ADAM9: variants seen among roughly 807,000 people sequenced by gnomAD.
ADAM9 encodes disintegrin and metalloproteinase domain-containing protein 9.
In ADAM9, 54 loss-of-function variants were observed where a neutral mutation model predicts 108.1. That is an observed-to-expected ratio of 0.50 (90% confidence interval 0.40 to 0.63). The LOEUF is 0.63. Ranked by LOEUF, ADAM9 falls within the 20% of genes least tolerant of loss-of-function variation. The pLI is 0.00. For synonymous variants in ADAM9, 316 were observed against 336.0 expected, an observed-to-expected ratio of 0.94 and a Z score of 0.65; for missense variants, 830 against 997.7, an observed-to-expected ratio of 0.83 and a Z score of 2.26.
chr8:39,073,974 C>G (rs1286243542), intron 15 of ADAM9, among the ~76,000 whole-genome samples: 1 of 152,112 alleles, frequency 6.6e-6, no homozygotes. Context: ...CCTCATTTTT[C>G]TGTTCTGTAA....
At chr8:39,036,830 A>G (rs1172230298) in intron 11 of ADAM9, among the ~76,000 whole-genome samples, 2 of 151,094 alleles carry the variant, frequency 1.3e-5, no homozygotes, top group Non-Finnish European at 2.9e-5. Flanking sequence ...TGATTTTGTT[A>G]TGCTTTTTAG....
At chr8:39,072,798 CTTCTTTTT>C (rs1838738061) in intron 15 of ADAM9, among the ~76,000 whole-genome samples, 1 of 152,228 alleles carries the variant, frequency 6.6e-6, no homozygotes, top group African/African-American at 2.4e-5. Flanking sequence ...ATGCTGTTTG[CTTCTTTTT>C]CATAGAATTT....
chr8:39,018,230 A>G (rs894100565), intron 6 of ADAM9, among the ~76,000 whole-genome samples: 5 of 152,200 alleles, frequency 3.3e-5, no homozygotes, highest in African/African-American at 1.2e-4. Flanking sequence ...ATACTAGTTT[A>G]TGGCATTATT....
intron 12 of ADAM9, among the ~76,000 whole-genome samples, chr8:39,043,684 T>G (rs1210568216): frequency 6.6e-6 from 1 of 152,176 alleles, no homozygotes; most frequent in Admixed American, 6.5e-5. Context: ...ATGTATATAT[T>G]GCATATTGGT....
At chr8:39,033,170 T>G (rs1376185993) in intron 11 of ADAM9, among the ~76,000 whole-genome samples, 2 of 152,248 alleles carry the variant, frequency 1.3e-5, no homozygotes, top group South Asian at 2.1e-4. Flanking sequence ...CTCTCATTTT[T>G]GGGGGTCCTA....
Position 39,096,601 on chromosome 8 carries a change from C to T in ADAM9, c.2298+5255C>T, listed in dbSNP as rs138656581. On this transcript the variant is annotated intron_variant, in intron 20 of 21. Transcript: ENST00000487273. ...TCACATTACAGTACTACAGGATTCTCTGTCTATACACTTACCATTATTATC... is the reference window on the plus strand; with the variant it reads ...TCACATTACAGTACTACAGGATTCTTTGTCTATACACTTACCATTATTATC... Among the ~76,000 whole-genome samples the T allele has an allele frequency of 5.7e-4, 87 of 152,290 alleles. 1 individual carries two copies. The highest frequency in any genetic ancestry group is 2.0e-3 in the African/African-American group (85 of 41,560).
chr8:39,039,348 G>A (rs1837383998), intron 11 of ADAM9, among the ~76,000 whole-genome samples: 2 of 152,144 alleles, frequency 1.3e-5, no homozygotes, highest in Non-Finnish European at 2.9e-5. Context: ...TGGTGAAATG[G>A]TTAGTCAAGC....
In ADAM9 at chr8:39,045,411, C is replaced by CGTGTGTACACACACCTATATGT. The variant is rs1564301581; in HGVS notation, c.1302+3295_1302+3296insTGTGTACACACACCTATATGTG. 3.9e-3 allele frequency among the ~76,000 whole-genome samples: 80 copies of CGTGTGTACACACACCTATATGT among 20,760 alleles called. 9 individuals carry two copies. The East Asian group carries it at 0.064, about 17-fold the overall frequency. The allele number at this position is 20,760 out of a possible 152,430, so 13.6% of individuals were successfully genotyped here. A position where few individuals can be genotyped will look rare whatever the true frequency, so the allele number is the denominator to read the frequency against. On this transcript the variant is annotated intron_variant, in intron 12 of 21. Transcript: ENST00000487273. ...GTGTGTGTACACACACCTATATGTG[C>CGTGTGTACACACACCTATATGT]GCGTGTGTACACACACCTATATGTG...
intron 11 of ADAM9, among the ~76,000 whole-genome samples, chr8:39,037,401 A>G (rs1837317489): frequency 1.4e-5 from 2 of 147,756 alleles, no homozygotes; most frequent in East Asian, 1.9e-4. Flanking sequence ...TAATTTATAA[A>G]TATATATTTA....
intron 2 of ADAM9, among the ~76,000 whole-genome samples, chr8:39,009,770 TTGAG>T (rs1192759948): frequency 2.0e-5 from 3 of 152,138 alleles, no homozygotes; most frequent in Admixed American, 6.5e-5. Context: ...AAAGTATTTA[TTGAG>T]TTACTATTGT....
chr8:39,039,182 A>C (rs921938131), intron 11 of ADAM9, among the ~76,000 whole-genome samples: 5 of 152,240 alleles, frequency 3.3e-5, no homozygotes, highest in Non-Finnish European at 5.9e-5. Flanking sequence ...CTAGAATGCA[A>C]CATAGCTTTC....
chr8:39,081,287 G>C lies in ADAM9; in HGVS notation c.1882-1354G>C, dbSNP rs145178354. Among the ~76,000 whole-genome samples, 1,363 of 152,182 alleles carry C rather than the reference G, an allele frequency of 9.0e-3. 13 individuals carry two copies. Among genetic ancestry groups the C allele is most frequent in the South Asian group, 0.036 (173 of 4,814 alleles). ...TTTTTGGGTGTATTCCTTTCAGTTTGATTTTTCCCATTCCACAAGGTAAAC... is the reference window on the plus strand; with the variant it reads ...TTTTTGGGTGTATTCCTTTCAGTTTCATTTTTCCCATTCCACAAGGTAAAC... On this transcript the variant is annotated intron_variant, in intron 16 of 21. Transcript: ENST00000487273.
chr8:39,004,970 T>G (rs1349247319), intron 1 of ADAM9, among the ~76,000 whole-genome samples: 4 of 152,198 alleles, frequency 2.6e-5, no homozygotes, highest in Admixed American at 2.6e-4. Context: ...ACTGACCTCC[T>G]ATCTCATTCT....
chr8:39,023,513 C>A (rs375496959), intron 9 of ADAM9, among the ~76,000 whole-genome samples, 188 bp downstream of exon 9: 5 of 151,942 alleles, frequency 3.3e-5, no homozygotes, highest in Non-Finnish European at 7.4e-5. Context: ...TCTCCCATAT[C>A]CTCCTTTTTT....
intron 4 of ADAM9, 25 bp downstream of exon 4, chr8:39,014,068 A>G (rs561769853): frequency 1.9e-5 from 30 of 1,581,962 alleles, no homozygotes; most frequent in Non-Finnish European, 2.3e-5. Context: ...TCTTGATCCC[A>G]TAGCAAATTT....
intron 20 of ADAM9, among the ~76,000 whole-genome samples, chr8:39,097,273 C>G (rs914987946): frequency 6.6e-6 from 1 of 151,184 alleles, no homozygotes; most frequent in Admixed American, 6.6e-5. Context: ...TACTCAAGAG[C>G]ACCCCCAGGT....
chr8:39,033,965 T>C (rs1463594874), intron 11 of ADAM9, among the ~76,000 whole-genome samples: 1 of 152,216 alleles, frequency 6.6e-6, no homozygotes, highest in African/African-American at 2.4e-5. Context: ...CCTGAGAATA[T>C]ATACATCTAT....
chr8:39,066,877 G>A lies in ADAM9; in HGVS notation c.1592-4421G>A, dbSNP rs571106339. 3.0e-3 allele frequency among the ~76,000 whole-genome samples: 458 copies of A among 152,262 alleles called. 6 individuals carry two copies. Among genetic ancestry groups the A allele is most frequent in the East Asian group, 0.011 (56 of 5,186 alleles). On this transcript the variant is annotated intron_variant, in intron 14 of 21. Coordinates refer to ENST00000487273, the MANE Select transcript of ADAM9 (RefSeq NM_003816.3). Reference sequence around the variant, plus strand: ...CTAGGTTTTCTTCTAGGGTTTGTATGATTTTGGGTCTAACATTTCAGTCTT... The same window carrying A: ...CTAGGTTTTCTTCTAGGGTTTGTATAATTTTGGGTCTAACATTTCAGTCTT...
chr8:39,041,377 G>A (rs1024268139), intron 11 of ADAM9, among the ~76,000 whole-genome samples: 1 of 152,150 alleles, frequency 6.6e-6, no homozygotes, highest in Non-Finnish European at 1.5e-5. Flanking sequence ...TATATGTAAA[G>A]CTCAAGTTGA....
Sources: allele counts gnomAD v4.1 joint callset (sites outside exome capture counted in the v4.1 genomes callset), GRCh38; gene constraint gnomAD v4.1.1; transcripts MANE v1.5; gene names NCBI Gene and HGNC (gene_info 2026-07-23, HGNC 2026-07-21).